Variants in TMEM120B observed in about 807,000 individuals in gnomAD.
TMEM120B encodes the protein transmembrane protein 120B.
In TMEM120B, 31 loss-of-function variants were observed where a neutral mutation model predicts 55.5. That is an observed-to-expected ratio of 0.56 (90% CI 0.42 to 0.75). TMEM120B has a LOEUF of 0.75. Ranked by LOEUF, TMEM120B falls within the 30% of genes least tolerant of loss-of-function variation. The pLI is 0.00. For missense variants in TMEM120B, 399 were observed against 425.5 expected, an observed-to-expected ratio of 0.94 and a Z score of 0.55; for synonymous variants, 203 against 176.3, an observed-to-expected ratio of 1.15 and a Z score of -1.20.
chr12:121,740,213 G>A (rs955557824), intron 1 of TMEM120B, among the ~76,000 whole-genome samples: 6 of 152,038 alleles, frequency 3.9e-5, no homozygotes, highest in African/African-American at 1.2e-4. Flanking sequence ...GGCCTGGCAC[G>A]GTGGCTCATG....
chr12:121,731,298 C>G (rs1228293906), intron 1 of TMEM120B, among the ~76,000 whole-genome samples: 2 of 152,104 alleles, frequency 1.3e-5, no homozygotes, highest in Non-Finnish European at 2.9e-5. Flanking sequence ...GTCGCCCAGG[C>G]TGGAGTGCAG....
intron 8 of TMEM120B, among the ~76,000 whole-genome samples, chr12:121,772,219 C>T (rs189454450): frequency 6.6e-6 from 1 of 151,970 alleles, no homozygotes; most frequent in East Asian, 1.9e-4. Flanking sequence ...ACCTCCGCCT[C>T]CTGGGTTCAA....
At chr12:121,761,939 G>A (rs1873691930) in intron 6 of TMEM120B, among the ~76,000 whole-genome samples, 1 of 152,136 alleles carries the variant, frequency 6.6e-6, no homozygotes, top group African/African-American at 2.4e-5. Flanking sequence ...TCTTGCTTAT[G>A]AGCAATAGAA....
At chr12:121,746,181 G>GCCC (rs201803913) in intron 2 of TMEM120B, among the ~76,000 whole-genome samples, 21 of 142,798 alleles carry the variant, frequency 1.5e-4, no homozygotes, top group African/African-American at 5.1e-4. Flanking sequence ...TTCTTAAACC[G>GCCC]CCCCCCCACT....
At chr12:121,749,244 T>TG (rs2137175944) in intron 3 of TMEM120B, among the ~76,000 whole-genome samples, 1 of 152,310 alleles carries the variant, frequency 6.6e-6, no homozygotes, top group South Asian at 2.1e-4. Flanking sequence ...AGTTAAGTGA[T>TG]GATCATTTTC....
At position 121,772,041 on chromosome 12, in the gene TMEM120B, C is replaced by T. The variant is rs200365983; in HGVS notation, c.679+492C>T. Among the ~76,000 whole-genome samples, 266 of 115,276 alleles carry T rather than the reference C, an allele frequency of 2.3e-3. 1 individual carries two copies. Among genetic ancestry groups the T allele is most frequent in the African/African-American group, 0.011 (238 of 21,262 alleles). 75.6% of individuals were successfully genotyped at this position (115,276 alleles called of 152,430 possible). On this transcript the variant is annotated intron_variant, in intron 8 of 11. Coordinates refer to ENST00000449592, the MANE Select transcript of TMEM120B (RefSeq NM_001080825.2). Reference sequence around the variant, plus strand: ...CCTTTCTTTCCCTTTCTTTCTTTCTCTTTCTTTCTTTCTTTTTCTTCCTTT... The same window carrying T: ...CCTTTCTTTCCCTTTCTTTCTTTCTTTTTCTTTCTTTCTTTTTCTTCCTTT...
At chr12:121,740,086 C>T (rs966582640) in intron 1 of TMEM120B, among the ~76,000 whole-genome samples, 1 of 152,146 alleles carries the variant, frequency 6.6e-6, no homozygotes, top group African/African-American at 2.4e-5. Context: ...GCGACTCCCA[C>T]AAAACTTCTA....
At position 121,761,723 on chromosome 12, in the gene TMEM120B, T is replaced by C; in HGVS notation, c.536T>C (p.Ile179Thr). The change falls in exon 6 of 12, where the codon ATC (isoleucine) becomes ACC (threonine). Residue 179 changes from isoleucine to threonine, a missense_variant. Physicochemically the swap from Ile to Thr is moderately conservative, Grantham distance 89. Transcript: ENST00000449592. ...CTGACCATTCGGGAGAGCATTCTCA[T>C]CAGCAACGGCTCAAGGTACCTGGGC... is the stretch of plus-strand genomic sequence containing the variant. ...CTLTIRESIL[I>T]SNGSRIKGWW... is the part of the protein sequence containing the mutation. 1.2e-6 allele frequency: 2 copies of C among 1,613,814 alleles called. No individual in the cohort carries two copies. The highest frequency in any genetic ancestry group is 1.7e-6 in the Non-Finnish European group (2 of 1,179,828).
intron 1 of TMEM120B, among the ~76,000 whole-genome samples, chr12:121,721,447 G>A (rs1894786242): frequency 6.6e-6 from 1 of 151,376 alleles, no homozygotes; most frequent in South Asian, 2.1e-4. Flanking sequence ...CCAAAGTGCT[G>A]AGACTATAGG....
chr12:121,769,172 AAC>A (rs1212023213), intron 6 of TMEM120B, among the ~76,000 whole-genome samples: 12 of 138,072 alleles, frequency 8.7e-5, no homozygotes, highest in Non-Finnish European at 1.6e-4. Context: ...CAAAAAAAAA[AAC>A]CCCAAAAAAC....
rs1205301714 is a variant in TMEM120B, at chr12:121,777,191, C to T, written c.*1469C>T. On this transcript the variant is annotated 3_prime_UTR_variant, in exon 12 of 12. Transcript: ENST00000449592. The stretch of plus-strand genomic sequence containing the variant: ...TTCACCATGTTTGCCAGGATAGTCT[C>T]GATCTCTTGACCTTGTGATCTGCCT... 2 of 151,998 alleles carry T rather than the reference C, an allele frequency of 1.3e-5. No individual in the cohort carries two copies. The highest frequency in any genetic ancestry group is 4.8e-5 in the African/African-American group (2 of 41,360). 9.4% of individuals were successfully genotyped at this position (151,998 alleles called of 1,614,324 possible). A position where few individuals can be genotyped will look rare whatever the true frequency, so the allele number is the denominator to read the frequency against.
At chr12:121,767,650 A>T (rs566532377) in intron 6 of TMEM120B, among the ~76,000 whole-genome samples, 19 of 152,358 alleles carry the variant, frequency 1.2e-4, no homozygotes, top group African/African-American at 4.6e-4. Context: ...TCTGAATCAC[A>T]TCACAGTAAA....
chr12:121,753,496 G>T (rs1380803454), intron 5 of TMEM120B, among the ~76,000 whole-genome samples: 1 of 151,988 alleles, frequency 6.6e-6, no homozygotes, highest in Admixed American at 6.6e-5. Context: ...ACTTGAACCT[G>T]GGAGGCAGAG....
In TMEM120B at chr12:121,776,156, G is replaced by C; in HGVS notation, c.*434G>C. On this transcript the variant is annotated 3_prime_UTR_variant, in exon 12 of 12. Transcript: ENST00000449592. The stretch of plus-strand genomic sequence containing the variant: ...GGGTGGTGTGAACCCTCAGTGTCCT[G>C]TGGCGCCCCCACCCCGGGGCCACTC... The C allele has an allele frequency of 2.7e-6, 1 of 376,516 alleles. No homozygotes were observed. Among genetic ancestry groups the C allele is most frequent in the Middle Eastern group, 6.8e-4 (1 of 1,478 alleles). 23.3% of individuals were successfully genotyped at this position (376,516 alleles called of 1,614,324 possible). A position where few individuals can be genotyped will look rare whatever the true frequency, so the allele number is the denominator to read the frequency against.
At chr12:121,759,369 C>T (rs563193008) in intron 5 of TMEM120B, among the ~76,000 whole-genome samples, 9 of 152,076 alleles carry the variant, frequency 5.9e-5, no homozygotes, top group Admixed American at 2.0e-4. Context: ...AGTTTTAGAG[C>T]AGGAGTGAAA....
chr12:121,723,879 G>A (rs562164271), intron 1 of TMEM120B, among the ~76,000 whole-genome samples: 1 of 152,044 alleles, frequency 6.6e-6, no homozygotes, highest in East Asian at 1.9e-4. Flanking sequence ...CATGACCACG[G>A]CAGCCTTCAC....
chr12:121,775,279 T>G lies in TMEM120B; in HGVS notation c.906+149T>G. 2 of 894,562 alleles carry G rather than the reference T, an allele frequency of 2.2e-6. No individual in the cohort carries two copies. The highest frequency in any genetic ancestry group is 3.1e-6 in the Non-Finnish European group (2 of 635,796). The allele number at this position is 894,562 out of a possible 1,614,324, so 55.4% of individuals were successfully genotyped here. A position where few individuals can be genotyped will look rare whatever the true frequency, so the allele number is the denominator to read the frequency against. ...GTGGGGTGTGTGCGTGTGTGTGGTG[T>G]GCTGTGGGGAGGTTCCTGGGGCGGG... is the stretch of plus-strand genomic sequence containing the variant. On this transcript the variant is annotated intron_variant, in intron 11 of 11. Coordinates refer to ENST00000449592, the MANE Select transcript of TMEM120B (RefSeq NM_001080825.2). The surrounding 1 kb of genome is among the most constrained non-coding windows in gnomAD (Gnocchi z 4.3).
At chr12:121,735,198 A>C (rs907807484) in intron 1 of TMEM120B, among the ~76,000 whole-genome samples, 3 of 151,002 alleles carry the variant, frequency 2.0e-5, no homozygotes, top group South Asian at 2.1e-4. Context: ...AAAAAAAAAA[A>C]AACAAAAAAA....
Position 121,774,643 on chromosome 12 carries a change from C to T in TMEM120B, c.773-15C>T, listed in dbSNP as rs1874176466. On this transcript the variant is annotated splice_polypyrimidine_tract_variant and intron_variant, in intron 9 of 11. Coordinates refer to ENST00000449592, the MANE Select transcript of TMEM120B (RefSeq NM_001080825.2). ...ACCCCCTCAGCGGGTCCTTTTTCTTCCCTCCTCTCCACAGAAGGGTTCCAG... is the reference window on the plus strand; with the variant it reads ...ACCCCCTCAGCGGGTCCTTTTTCTTTCCTCCTCTCCACAGAAGGGTTCCAG... The T allele has an allele frequency of 1.2e-6, 2 of 1,612,854 alleles. No individual in the cohort carries two copies. The highest frequency in any genetic ancestry group is 1.7e-6 in the Non-Finnish European group (2 of 1,179,306).
Sources: gnomAD v4.1 joint callset for allele counts (sites outside exome capture counted in the v4.1 genomes callset) on GRCh38, gnomAD v4.1.1 for gene constraint, Gnocchi (gnomAD v3.1) non-coding constraint, MANE v1.5 for transcripts, NCBI Gene and HGNC (gene_info 2026-07-23, HGNC 2026-07-21) for gene names.